Variants in TMPRSS11D observed in about 807,000 individuals in gnomAD.
The protein encoded by TMPRSS11D is transmembrane serine protease 11D, also known as transmembrane protease serine 11D.
Under a neutral mutation model 44.4 loss-of-function variants are expected in TMPRSS11D, and 32 were observed. The observed-to-expected ratio is 0.72, with a 90% CI of 0.54 to 0.97. The LOEUF (loss-of-function observed/expected upper bound fraction) is 0.97. TMPRSS11D is among the 50% of genes least tolerant of loss of function. TMPRSS11D has a pLI of 0.00. For missense variants in TMPRSS11D, 446 were observed against 502.6 expected, an observed-to-expected ratio of 0.89 and a Z score of 1.08; for synonymous variants, 179 against 177.9, an observed-to-expected ratio of 1.01 and a Z score of -0.05.
intron 8 of TMPRSS11D, among the ~76,000 whole-genome samples, chr4:67,826,530 C>T (rs1250787315): frequency 3.9e-5 from 6 of 152,050 alleles, no homozygotes; most frequent in African/African-American, 1.4e-4. Context: ...ATTTTAGTTT[C>T]CATTTTATTC....
At chr4:67,843,673 C>T (rs943330279) in intron 3 of TMPRSS11D, among the ~76,000 whole-genome samples, 2 of 152,220 alleles carry the variant, frequency 1.3e-5, no homozygotes, top group African/African-American at 4.8e-5. Flanking sequence ...CCTGTAATCC[C>T]AGCACTTTGG....
intron 9 of TMPRSS11D, among the ~76,000 whole-genome samples, chr4:67,823,408 G>A (rs1717701689): frequency 6.6e-6 from 1 of 152,012 alleles, no homozygotes; most frequent in South Asian, 2.1e-4. Context: ...TTAAGTCTGT[G>A]GGTTCTGAAA....
intron 2 of TMPRSS11D, among the ~76,000 whole-genome samples, chr4:67,857,306 TATATATATATATATATACACACACACA>T (rs1718672046): frequency 1.3e-5 from 1 of 77,654 alleles, no homozygotes; most frequent in Non-Finnish European, 2.6e-5. Flanking sequence ...TATATATATA[TATATATATATATATATACACACACACA>T]CACACACACA....
In TMPRSS11D at chr4:67,883,929, T is replaced by C. The variant is rs1435863151; in HGVS notation, c.5A>G (p.Tyr2Cys). 3.7e-6 allele frequency: 6 copies of C among 1,602,460 alleles called. No homozygotes were observed. The highest frequency in any genetic ancestry group is 5.1e-6 in the Non-Finnish European group (6 of 1,175,148). The change falls in exon 1 of 10, where the codon TAT becomes TGT. Residue 2 changes from tyrosine (Y) to cysteine (C), a missense_variant. Transcript: ENST00000283916. M[Y>C]RPARVTSTSR... Reference sequence around the variant, plus strand: ...CAAAGACAAAAACAGGACTTACCTATACATTTTAATCCTTAATGAAGAGGT... The same window carrying C: ...CAAAGACAAAAACAGGACTTACCTACACATTTTAATCCTTAATGAAGAGGT...
Position 67,833,265 on chromosome 4 carries a change from G to T in TMPRSS11D, c.631C>A (p.His211Asn). ...QVSLRLNNAH[H>N]CGGSLINNMW... Reference sequence around the variant, plus strand: ...TTATTGATCAGGCTGCCTCCACAGTGGTGGGCATTATTGAGCCGCAGACTG... The same window carrying T: ...TTATTGATCAGGCTGCCTCCACAGTTGTGGGCATTATTGAGCCGCAGACTG... The change falls in exon 7 of 10, where the codon CAC (histidine) becomes AAC (asparagine). Residue 211 changes from histidine (H) to asparagine (N), a missense_variant. Physicochemically the swap from His to Asn is moderately conservative, Grantham distance 68 (BLOSUM62 1). Coordinates refer to ENST00000283916, the MANE Select transcript of TMPRSS11D (RefSeq NM_004262.3). 6.3e-7 allele frequency: 1 copy of T among 1,596,604 alleles called. No homozygotes were observed. The highest frequency in any genetic ancestry group is 8.5e-7 in the Non-Finnish European group (1 of 1,172,262).
rs1577807613 is a variant in TMPRSS11D, at chr4:67,835,072, T to A, written c.514+11A>T. On this transcript the variant is annotated intron_variant, in intron 6 of 9. Coordinates refer to ENST00000283916, the MANE Select transcript of TMPRSS11D (RefSeq NM_004262.3). ...GGCAAATTACAGTTACAAAATAATA[T>A]TAAAACTTACCATTAATAAGCCAAT... The A allele has an allele frequency of 6.2e-7, 1 of 1,611,494 alleles. No homozygotes were observed. Among genetic ancestry groups the A allele is most frequent in the Non-Finnish European group, 8.5e-7 (1 of 1,178,100 alleles).
chr4:67,879,752 A>G (rs1179859792), intron 1 of TMPRSS11D, among the ~76,000 whole-genome samples: 1 of 152,118 alleles, frequency 6.6e-6, no homozygotes, highest in Non-Finnish European at 1.5e-5. Flanking sequence ...GCACTGGGAA[A>G]AGGGAGGATA....
intron 3 of TMPRSS11D, among the ~76,000 whole-genome samples, chr4:67,851,807 A>C (rs1453507460): frequency 6.6e-6 from 1 of 152,192 alleles, no homozygotes; most frequent in Non-Finnish European, 1.5e-5. Flanking sequence ...GTCACTTCTC[A>C]TCCTGTCTTC....
chr4:67,867,488 T>C (rs2109696538), intron 1 of TMPRSS11D, among the ~76,000 whole-genome samples: 1 of 152,196 alleles, frequency 6.6e-6, no homozygotes, highest in Admixed American at 6.5e-5. Context: ...TGATACTTAC[T>C]TAAACTAAAA....
rs1427270950 is a variant in TMPRSS11D at position 67,822,076 on chromosome 4, ATTG to A, written c.*258_*260del. 5 of 358,298 alleles carry A rather than the reference ATTG, an allele frequency of 1.4e-5. No homozygotes were observed. Among genetic ancestry groups the A allele is most frequent in the South Asian group, 1.1e-4 (2 of 18,910 alleles). The allele number at this position is 358,298 out of a possible 1,614,324, so 22.2% of individuals were successfully genotyped here. Reference sequence around the variant, plus strand: ...GGGCATTTAGCACAACTGTAATGAAATTGTTAACTTTGTAATTAGTTTAGTGTG... The same window carrying A: ...GGGCATTTAGCACAACTGTAATGAAATTAACTTTGTAATTAGTTTAGTGTG... On this transcript the variant is annotated 3_prime_UTR_variant, in exon 10 of 10. Transcript: ENST00000283916.
intron 1 of TMPRSS11D, among the ~76,000 whole-genome samples, chr4:67,871,125 T>C (rs1002400968): frequency 1.4e-5 from 2 of 140,508 alleles, no homozygotes; most frequent in Admixed American, 7.5e-5. Flanking sequence ...GATTCTCGTA[T>C]TGAAAAGTCT....
At chr4:67,844,782 A>G (rs1479766848) in intron 3 of TMPRSS11D, among the ~76,000 whole-genome samples, 1 of 152,134 alleles carries the variant, frequency 6.6e-6, no homozygotes, top group East Asian at 1.9e-4. Flanking sequence ...CTGTTTAAAA[A>G]AAAGGAAAAA....
chr4:67,842,905 G>T (rs1447423123), intron 3 of TMPRSS11D, among the ~76,000 whole-genome samples: 1 of 152,160 alleles, frequency 6.6e-6, no homozygotes, highest in East Asian at 1.9e-4. Flanking sequence ...TACTCAATGA[G>T]AGATTATGTT....
At chr4:67,880,764 C>T (rs747095665) in intron 1 of TMPRSS11D, among the ~76,000 whole-genome samples, 6 of 152,032 alleles carry the variant, frequency 3.9e-5, no homozygotes, top group Non-Finnish European at 7.4e-5. Flanking sequence ...TCAGGGAATA[C>T]AGGGAATACT....
intron 3 of TMPRSS11D, among the ~76,000 whole-genome samples, chr4:67,853,645 A>G (rs1360819362): frequency 6.6e-6 from 1 of 152,238 alleles, no homozygotes; most frequent in African/African-American, 2.4e-5. Flanking sequence ...TCATTGAACC[A>G]AAGTGTAATG....
chr4:67,869,364 C>A (rs1445625971), intron 1 of TMPRSS11D, among the ~76,000 whole-genome samples: 1 of 151,828 alleles, frequency 6.6e-6, no homozygotes, highest in South Asian at 2.1e-4. Context: ...TTTCCCATTA[C>A]TATAGCCTTA....
At chr4:67,869,139 C>A (rs1203773455) in intron 1 of TMPRSS11D, among the ~76,000 whole-genome samples, 1 of 152,156 alleles carries the variant, frequency 6.6e-6, no homozygotes, top group Non-Finnish European at 1.5e-5. Context: ...TGTTAATTCC[C>A]AGCAGTCAGC....
At position 67,822,171 on chromosome 4, in the gene TMPRSS11D, C is replaced by A; in HGVS notation, c.*166G>T. 2 of 778,768 alleles carry A rather than the reference C, an allele frequency of 2.6e-6. No individual in the cohort carries two copies. The highest frequency in any genetic ancestry group is 1.7e-5 in the African/African-American group (1 of 58,034). The allele number at this position is 778,768 out of a possible 1,614,324, so 48.2% of individuals were successfully genotyped here. On this transcript the variant is annotated 3_prime_UTR_variant, in exon 10 of 10. Coordinates refer to ENST00000283916, the MANE Select transcript of TMPRSS11D (RefSeq NM_004262.3). ...TAGTTCTCTGGAGAAAATAGAAAAC[C>A]TTTAATAATAAAGAAAGGTTAAACA...
intron 1 of TMPRSS11D, among the ~76,000 whole-genome samples, chr4:67,863,363 A>G (rs1182588857): frequency 6.6e-6 from 1 of 151,528 alleles, no homozygotes; most frequent in Non-Finnish European, 1.5e-5. Context: ...AAAAGTTCAA[A>G]ACCGAACGTG....
Sources: allele counts gnomAD v4.1 joint callset (sites outside exome capture counted in the v4.1 genomes callset), GRCh38; gene constraint gnomAD v4.1.1; transcripts MANE v1.5; gene names NCBI Gene and HGNC (gene_info 2026-07-23, HGNC 2026-07-21).